The following MAD1L1 variants were observed in gnomAD, a reference collection of about 807,000 sequenced individuals.
MAD1L1 encodes mitotic arrest deficient 1 like 1.
In MAD1L1, 95 loss-of-function variants were observed where a neutral mutation model predicts 96.9. That is an observed-to-expected ratio of 0.98 (90% CI 0.83 to 1.16). MAD1L1 has a LOEUF of 1.16. Among genes scored for constraint, MAD1L1 ranks in the 50% most tolerant of loss-of-function variants. The probability of loss-of-function intolerance (pLI) is 0.00; values close to 1 mark genes in which losing one functional copy is unlikely to be tolerated. For synonymous variants in MAD1L1, 473 were observed against 396.6 expected (o/e 1.19, Z -2.29); for missense variants, 1,007 against 954.4 (o/e 1.06, Z -0.73).
At chr7:1,838,959 A>C in intron 18 of MAD1L1, 1 of 384,414 alleles carries the variant, frequency 2.6e-6, no homozygotes, top group Non-Finnish European at 5.4e-6. Context: ...GGGCTCTGGG[A>C]GGTCAGCAGA....
At chr7:2,224,225 C>G (rs1014792084) in intron 4 of MAD1L1, among the ~76,000 whole-genome samples, 5 of 152,140 alleles carry the variant, frequency 3.3e-5, no homozygotes, top group African/African-American at 4.8e-5. Context: ...CACAGCCATA[C>G]CATCAGCATG....
chr7:1,867,306 T>C (rs1209873268), intron 18 of MAD1L1, among the ~76,000 whole-genome samples: 2 of 151,800 alleles, frequency 1.3e-5, no homozygotes, highest in Non-Finnish European at 2.9e-5. Context: ...GACAAGGAAG[T>C]GTGGGACAAG....
intron 18 of MAD1L1, among the ~76,000 whole-genome samples, chr7:1,861,466 C>T (rs879085451): frequency 1.8e-5 from 2 of 112,492 alleles, no homozygotes; most frequent in Admixed American, 9.0e-5. Context: ...GACACTGCTC[C>T]GCCTGCCCCC....
chr7:2,024,807 C>G (rs1338659531), intron 12 of MAD1L1, among the ~76,000 whole-genome samples: 1 of 152,164 alleles, frequency 6.6e-6, no homozygotes, highest in Non-Finnish European at 1.5e-5. Context: ...TTAAGTTGAT[C>G]ACTAATAACC....
chr7:1,890,059 T>C (rs1258887485), intron 18 of MAD1L1, among the ~76,000 whole-genome samples: 3 of 152,202 alleles, frequency 2.0e-5, no homozygotes, highest in East Asian at 1.9e-4. Context: ...CCCCTCTCTA[T>C]GGCAAGAATG....
At chr7:1,838,599 C>T in intron 18 of MAD1L1, 1 of 375,494 alleles carries the variant, frequency 2.7e-6, no homozygotes, top group South Asian at 2.0e-5. Context: ...CGCCGCTGAG[C>T]CCATCTCCCT....
At chr7:1,944,625 G>A (rs1005500738) in intron 16 of MAD1L1, among the ~76,000 whole-genome samples, 2 of 152,274 alleles carry the variant, frequency 1.3e-5, no homozygotes, top group Middle Eastern at 3.4e-3. Context: ...TGCTTGGGCT[G>A]GGAAATGTGA....
intron 11 of MAD1L1, among the ~76,000 whole-genome samples, chr7:2,100,618 A>C (rs750332366): frequency 1.2e-4 from 19 of 152,382 alleles, no homozygotes; most frequent in Non-Finnish European, 2.1e-4. Flanking sequence ...CCTGGCTGCA[A>C]ACCGGAAGGC....
At chr7:1,819,046 G>A (rs546914203) in intron 18 of MAD1L1, among the ~76,000 whole-genome samples, 17 of 152,040 alleles carry the variant, frequency 1.1e-4, no homozygotes, top group Admixed American at 4.6e-4. Context: ...GCTCCACCTC[G>A]GTCTAACGCT....
At chr7:2,070,610 G>C (rs748530407) in intron 11 of MAD1L1, among the ~76,000 whole-genome samples, 24 of 152,256 alleles carry the variant, frequency 1.6e-4, no homozygotes, top group Non-Finnish European at 3.2e-4. Flanking sequence ...GCGGAACGGC[G>C]CTGGAACACG....
At chr7:1,818,805 G>C (rs533665311) in intron 18 of MAD1L1, among the ~76,000 whole-genome samples, 16 of 151,576 alleles carry the variant, frequency 1.1e-4, no homozygotes, top group African/African-American at 3.6e-4. Flanking sequence ...CCTCTCTGCC[G>C]GCCTCAGGCG....
chr7:1,987,166 C>T (rs1056622338), intron 14 of MAD1L1, among the ~76,000 whole-genome samples: 1 of 152,216 alleles, frequency 6.6e-6, no homozygotes, highest in Non-Finnish European at 1.5e-5. Flanking sequence ...CTGGAAGTGC[C>T]CACCCCCACT....
intron 18 of MAD1L1, among the ~76,000 whole-genome samples, chr7:1,822,452 T>A (rs1346701451): frequency 2.9e-4 from 41 of 140,752 alleles, no homozygotes; most frequent in African/African-American, 1.1e-3. Context: ...ATTTTTTTTT[T>A]TTTTTTGGAA....
intron 12 of MAD1L1, among the ~76,000 whole-genome samples, chr7:2,015,864 G>T (rs1453097271): frequency 6.6e-6 from 1 of 152,234 alleles, no homozygotes; most frequent in Non-Finnish European, 1.5e-5. Context: ...CTTCTAACAT[G>T]TGCCCCAGGG....
intron 18 of MAD1L1, among the ~76,000 whole-genome samples, chr7:1,864,752 G>C (rs2128650148): frequency 6.6e-6 from 1 of 152,232 alleles, no homozygotes; most frequent in South Asian, 2.1e-4. Flanking sequence ...CCCCTCCCTG[G>C]GGTGAGGGGG....
intron 12 of MAD1L1, among the ~76,000 whole-genome samples, chr7:2,061,340 AAAT>A (rs1784650934): frequency 6.6e-6 from 1 of 150,444 alleles, no homozygotes; most frequent in Non-Finnish European, 1.5e-5. Flanking sequence ...CCGTCTCAAA[AAAT>A]AATAATAAAA....
intron 17 of MAD1L1, among the ~76,000 whole-genome samples, chr7:1,934,976 TGGGCAAACCCGAGAC>T (rs1562537962): frequency 8.7e-6 from 1 of 115,442 alleles, no homozygotes; most frequent in African/African-American, 3.4e-5. Flanking sequence ...AACGAACAGA[TGGGCAAACCCGAGAC>T]GGGCAGAGAC....
intron 15 of MAD1L1, among the ~76,000 whole-genome samples, chr7:1,965,494 G>A (rs1189462052): frequency 6.6e-6 from 1 of 152,218 alleles, no homozygotes; most frequent in Non-Finnish European, 1.5e-5. Flanking sequence ...CCACCATCCA[G>A]GCAGTGGTGA....
chr7:1,918,815 C>T (rs1483377322), intron 17 of MAD1L1, among the ~76,000 whole-genome samples: 1 of 152,228 alleles, frequency 6.6e-6, no homozygotes, highest in Non-Finnish European at 1.5e-5. Flanking sequence ...CCTGAGGAGA[C>T]CACAGCTCCC....
Sources: allele counts gnomAD v4.1 joint callset (sites outside exome capture counted in the v4.1 genomes callset), GRCh38; gene constraint gnomAD v4.1.1; transcripts MANE v1.5; gene names NCBI Gene and HGNC (gene_info 2026-07-23, HGNC 2026-07-21).